Variants in SMIM36 observed in about 807,000 individuals in gnomAD.
The protein encoded by SMIM36 is small integral membrane protein 36.
intron 1 of SMIM36, among the ~76,000 whole-genome samples, chr17:55,493,759 G>A (rs937981514): frequency 2.2e-5 from 3 of 137,950 alleles, no homozygotes; most frequent in East Asian, 2.3e-4. Flanking sequence ...CCAGTGACCC[G>A]AGATCGCGCC....
chr17:55,453,212 A>T (rs566148359), intron 4 of SMIM36, among the ~76,000 whole-genome samples: 1 of 152,174 alleles, frequency 6.6e-6, no homozygotes, highest in Non-Finnish European at 1.5e-5. Flanking sequence ...AGCCACTTGC[A>T]AGACTGAGGC....
chr17:55,530,875 A>G, the SMIM36 span, among the ~76,000 whole-genome samples: 1 of 152,168 alleles, frequency 6.6e-6, no homozygotes, highest in South Asian at 2.1e-4. Context: ...AATAAGTGAC[A>G]GGTTGTTTTT....
chr17:55,489,012 A>G (rs1275100467), intron 1 of SMIM36, among the ~76,000 whole-genome samples: 2 of 152,144 alleles, frequency 1.3e-5, no homozygotes, highest in Non-Finnish European at 2.9e-5. Flanking sequence ...AATTGTCACA[A>G]CTCTGCGGTA....
chr17:55,524,208 A>T, the SMIM36 span, among the ~76,000 whole-genome samples: 2 of 152,194 alleles, frequency 1.3e-5, no homozygotes, highest in Non-Finnish European at 2.9e-5. Context: ...TTTGCTAAGG[A>T]TAATGACCTC....
chr17:55,482,804 T>C (rs1909542626), intron 1 of SMIM36, among the ~76,000 whole-genome samples: 1 of 152,222 alleles, frequency 6.6e-6, no homozygotes, highest in Non-Finnish European at 1.5e-5. Context: ...TTAGTGCTCT[T>C]ACTCTTTTTC....
intron 4 of SMIM36, among the ~76,000 whole-genome samples, chr17:55,462,666 T>C (rs934442748): frequency 6.6e-6 from 1 of 152,188 alleles, no homozygotes; most frequent in Admixed American, 6.5e-5. Flanking sequence ...GCATGCAGCG[T>C]TGTCATGAGG....
At chr17:55,487,151 T>A (rs1352460995) in intron 1 of SMIM36, among the ~76,000 whole-genome samples, 1 of 136,624 alleles carries the variant, frequency 7.3e-6, no homozygotes, top group Non-Finnish European at 1.5e-5. Context: ...AATTGAACAA[T>A]GAGAACACTT....
chr17:55,480,027 C>T lies in SMIM36; in HGVS notation c.*175-447G>A, dbSNP rs192460021. Among the ~76,000 whole-genome samples, 563 of 152,266 alleles carry T rather than the reference C, an allele frequency of 3.7e-3. 3 individuals are homozygous for T. Among genetic ancestry groups the T allele is most frequent in the Non-Finnish European group, 6.9e-3 (472 of 67,996 alleles). On this transcript the variant is annotated intron_variant, in intron 1 of 4. Coordinates refer to ENST00000636752, the Ensembl canonical transcript of SMIM36. ...GCCTCCCCCTACTCCCCCACTCCCT[C>T]TGTGTAGCAGGGAAAGGCTCTTAGG... is the stretch of plus-strand genomic sequence containing the variant.
chr17:55,500,011 G>GC (rs1555622333), intron 1 of SMIM36, among the ~76,000 whole-genome samples: 1 of 150,408 alleles, frequency 6.6e-6, no homozygotes, highest in Admixed American at 6.6e-5. Flanking sequence ...CTGGGTTGTT[G>GC]TTTTTTTTTC....
At chr17:55,466,433 T>C (rs1394764341) in intron 4 of SMIM36, among the ~76,000 whole-genome samples, 1 of 152,034 alleles carries the variant, frequency 6.6e-6, no homozygotes, top group Admixed American at 6.6e-5. Flanking sequence ...GTGTGGGAGT[T>C]TGCAGGTTAC....
chr17:55,449,980 A>G (rs1189427183), exon 5 of SMIM36: 1 of 152,220 alleles, frequency 6.6e-6, no homozygotes, highest in East Asian at 1.9e-4. Context: ...TGTGACTATT[A>G]TTTTATGTTG....
At chr17:55,479,245 C>T (rs529484937) in intron 2 of SMIM36, among the ~76,000 whole-genome samples, 2 of 152,178 alleles carry the variant, frequency 1.3e-5, no homozygotes, top group Non-Finnish European at 2.9e-5. Context: ...TGCTTAGGAC[C>T]ACAGGCAGGT....
intron 1 of SMIM36, among the ~76,000 whole-genome samples, chr17:55,509,714 A>G (rs1910147026): frequency 6.6e-6 from 1 of 152,230 alleles, no homozygotes. Context: ...GTAAATCTCA[A>G]AGTAAATACA....
chr17:55,458,532 G>T (rs570958789), intron 4 of SMIM36: 1 of 152,058 alleles, frequency 6.6e-6, no homozygotes, highest in Non-Finnish European at 1.5e-5. Flanking sequence ...GGCCTGCCAC[G>T]CCCCATCCTG....
intron 4 of SMIM36, among the ~76,000 whole-genome samples, chr17:55,461,917 G>T (rs1314692487): frequency 1.3e-5 from 2 of 152,196 alleles, no homozygotes; most frequent in Non-Finnish European, 2.9e-5. Context: ...ACGGAAGAAG[G>T]CTGCAAATGT....
chr17:55,454,525 T>A (rs902672183), intron 4 of SMIM36, among the ~76,000 whole-genome samples: 4 of 152,182 alleles, frequency 2.6e-5, no homozygotes, highest in Non-Finnish European at 4.4e-5. Context: ...AAAGTAAAAA[T>A]TTTTAATGTT....
At chr17:55,528,091 A>G in the SMIM36 span, 5 of 152,290 alleles carry the variant, frequency 3.3e-5, no homozygotes, top group African/African-American at 2.4e-5. Context: ...AACTTTTCAC[A>G]TGCCAGGATT....
At chr17:55,467,087 CAAT>C in intron 4 of SMIM36, 55 bp downstream of exon 4, 1 of 152,276 alleles carries the variant, frequency 6.6e-6, no homozygotes. Flanking sequence ...ACAACAACAA[CAAT>C]AAAACCAAAA....
At chr17:55,460,698 A>G (rs1330234985) in intron 4 of SMIM36, among the ~76,000 whole-genome samples, 1 of 151,852 alleles carries the variant, frequency 6.6e-6, no homozygotes, top group Non-Finnish European at 1.5e-5. Flanking sequence ...CTACTAAAAA[A>G]TACAAAAAAA....
Sources: gnomAD v4.1 joint callset for allele counts (sites outside exome capture counted in the v4.1 genomes callset) on GRCh38, gnomAD v4.1.1 for gene constraint, MANE v1.5 for transcripts, NCBI Gene and HGNC (gene_info 2026-07-23, HGNC 2026-07-21) for gene names.